Variants in SLC26A7 observed in about 807,000 individuals in gnomAD.
SLC26A7 encodes the protein solute carrier family 26 member 7.
Under a neutral mutation model 82.5 loss-of-function variants are expected in SLC26A7, and 59 were observed. The ratio of observed to expected loss-of-function variants is 0.72; its 90% confidence interval spans 0.58 to 0.89. SLC26A7 has a LOEUF of 0.89. SLC26A7 is among the 40% of genes least tolerant of loss of function. SLC26A7 has a pLI of 0.00. For synonymous variants in SLC26A7, 271 were observed against 274.3 expected, an observed-to-expected ratio of 0.99 and a Z score of 0.12; for missense variants, 820 against 793.0, an observed-to-expected ratio of 1.03 and a Z score of -0.41.
At chr8:91,353,336 G>A (rs1239590385) in intron 11 of SLC26A7, among the ~76,000 whole-genome samples, 1 of 152,064 alleles carries the variant, frequency 6.6e-6, no homozygotes, top group Non-Finnish European at 1.5e-5. Flanking sequence ...ATAGAAATAT[G>A]GCAATTTATA....
intron 11 of SLC26A7, among the ~76,000 whole-genome samples, chr8:91,357,089 C>G (rs10504903): frequency 0.074 from 11,194 of 152,244 alleles, 614 homozygotes; most frequent in African/African-American, 0.15. Context: ...TGGCCTTTCA[C>G]TCTACAGTCA....
chr8:91,350,492 AC>A (rs1440693021), intron 9 of SLC26A7, among the ~76,000 whole-genome samples: 2 of 152,016 alleles, frequency 1.3e-5, no homozygotes, highest in Non-Finnish European at 2.9e-5. Flanking sequence ...TATTTCTATC[AC>A]CCTAAAAAGT....
intron 11 of SLC26A7, among the ~76,000 whole-genome samples, chr8:91,354,881 G>A (rs906248837): frequency 6.6e-6 from 1 of 151,988 alleles, no homozygotes; most frequent in African/African-American, 2.4e-5. Flanking sequence ...TTATTTAGAT[G>A]CATTTAGTGG....
intron 4 of SLC26A7, among the ~76,000 whole-genome samples, chr8:91,299,801 C>T (rs749684992): frequency 2.0e-5 from 3 of 151,964 alleles, no homozygotes; most frequent in Non-Finnish European, 2.9e-5. Flanking sequence ...TCAGCACCAA[C>T]TTGCATTGGA....
At chr8:91,348,131 G>A (rs1173588216) in intron 9 of SLC26A7, among the ~76,000 whole-genome samples, 4 of 152,330 alleles carry the variant, frequency 2.6e-5, no homozygotes, top group East Asian at 1.9e-4. Context: ...GATTGTCTCC[G>A]CATTCTAATT....
intron 1 of SLC26A7, among the ~76,000 whole-genome samples, chr8:91,216,384 A>G (rs1390334937): frequency 2.6e-5 from 4 of 152,178 alleles, no homozygotes; most frequent in Non-Finnish European, 5.9e-5. Flanking sequence ...ACTTTCTATT[A>G]TAAACTTTTC....
At chr8:91,214,806 A>T (rs563106656) in intron 1 of SLC26A7, among the ~76,000 whole-genome samples, 16 of 144,826 alleles carry the variant, frequency 1.1e-4, no homozygotes, top group Admixed American at 2.1e-4. Flanking sequence ...CTTGACAGAA[A>T]TTTTTTTTTT....
chr8:91,340,519 A>C lies in SLC26A7; in HGVS notation c.994A>C (p.Lys332Gln). 2 of 1,613,942 alleles carry C rather than the reference A, an allele frequency of 1.2e-6. No homozygotes were observed. The highest frequency in any genetic ancestry group is 1.1e-5 in the South Asian group (1 of 91,078). The change falls in exon 8 of 19, where the codon AAA becomes CAA. Residue 332 changes from lysine to glutamine, a missense_variant. By Grantham distance (53) the Lys-to-Gln change is moderately conservative. Transcript: ENST00000276609. ...ASLALAQGSA[K>Q]KFKYSIDDNQ... ...ACTGGCTCTTGCTCAAGGATCTGCC[A>C]AAAAATTCAAATATTCAATTGATGA...
At chr8:91,357,433 T>C (rs1813902068) in intron 11 of SLC26A7, 1 of 152,122 alleles carries the variant, frequency 6.6e-6, no homozygotes, top group Non-Finnish European at 1.5e-5. Context: ...TTTGGGTGGA[T>C]TTTAATAGAG....
intron 14 of SLC26A7, among the ~76,000 whole-genome samples, chr8:91,368,672 C>T (rs1260363231): frequency 6.6e-6 from 1 of 152,108 alleles, no homozygotes; most frequent in Non-Finnish European, 1.5e-5. Flanking sequence ...ATCCGCCCAC[C>T]TCGGCCTCCC....
chr8:91,327,949 T>C (rs191289290), intron 5 of SLC26A7, among the ~76,000 whole-genome samples: 1 of 152,252 alleles, frequency 6.6e-6, no homozygotes, highest in Non-Finnish European at 1.5e-5. Flanking sequence ...ATCAATAATA[T>C]CATTATGCTC....
At chr8:91,392,497 T>G (rs924787393) in intron 16 of SLC26A7, among the ~76,000 whole-genome samples, 1 of 152,178 alleles carries the variant, frequency 6.6e-6, no homozygotes, top group African/African-American at 2.4e-5. Context: ...TTTCTGTTAT[T>G]TTTTCTCATT....
chr8:91,220,766 G>T (rs1586301130), intron 2 of SLC26A7, among the ~76,000 whole-genome samples: 2 of 152,070 alleles, frequency 1.3e-5, no homozygotes, highest in East Asian at 3.8e-4. Flanking sequence ...TGGGCATTTT[G>T]GTTGGTTCCA....
chr8:91,289,921 A>G (rs566771877), intron 3 of SLC26A7, among the ~76,000 whole-genome samples: 1 of 152,116 alleles, frequency 6.6e-6, no homozygotes, highest in South Asian at 2.1e-4. Flanking sequence ...CTGGGTGCAT[A>G]TCTTATTTGT....
chr8:91,219,860 A>G (rs779122373), intron 2 of SLC26A7, among the ~76,000 whole-genome samples: 6 of 152,192 alleles, frequency 3.9e-5, no homozygotes, highest in Non-Finnish European at 7.3e-5. Context: ...ATAGACTTAG[A>G]TAAAGCTGCT....
At chr8:91,384,526 C>T (rs1814746302) in intron 15 of SLC26A7, among the ~76,000 whole-genome samples, 1 of 152,120 alleles carries the variant, frequency 6.6e-6, no homozygotes, top group African/African-American at 2.4e-5. Context: ...ATGCGTGCAT[C>T]CTTAAGGGGC....
intron 4 of SLC26A7, among the ~76,000 whole-genome samples, chr8:91,299,584 A>G (rs1812107454): frequency 6.6e-6 from 1 of 152,108 alleles, no homozygotes; most frequent in South Asian, 2.1e-4. Flanking sequence ...AGATGCCACC[A>G]TTATCATTTC....
chr8:91,225,624 C>G (rs1355856582), intron 2 of SLC26A7, among the ~76,000 whole-genome samples: 1 of 132,898 alleles, frequency 7.5e-6, no homozygotes, highest in Non-Finnish European at 1.6e-5. Flanking sequence ...GCCATCTTGG[C>G]CCTGCCCCCT....
At chr8:91,308,464 A>T (rs1266454150) in intron 4 of SLC26A7, among the ~76,000 whole-genome samples, 1 of 152,124 alleles carries the variant, frequency 6.6e-6, no homozygotes, top group Non-Finnish European at 1.5e-5. Context: ...TGACAGTCTC[A>T]CCACATCATA....
Sources: gnomAD v4.1 joint callset for allele counts (sites outside exome capture counted in the v4.1 genomes callset) on GRCh38, gnomAD v4.1.1 for gene constraint, MANE v1.5 for transcripts, NCBI Gene and HGNC (gene_info 2026-07-23, HGNC 2026-07-21) for gene names.